XKR6: variants seen among roughly 807,000 people sequenced by gnomAD.
The protein encoded by XKR6 is XK-related protein 6.
Under a neutral mutation model 56.7 loss-of-function variants are expected in XKR6, and 22 were observed. The ratio of observed to expected loss-of-function variants is 0.39; its 90% CI spans 0.28 to 0.55. The LOEUF (loss-of-function observed/expected upper bound fraction) is 0.55, where lower values mean the gene tolerates loss of function less well. Among genes scored for constraint, XKR6 ranks in the 20% least tolerant of loss-of-function variants. The probability of loss-of-function intolerance (pLI) is 0.66; values close to 1 mark genes in which losing one functional copy is unlikely to be tolerated. For missense variants in XKR6, 852 were observed against 889.0 expected (o/e 0.96, Z 0.53); for synonymous variants, 524 against 387.8 (o/e 1.35, Z -4.13).
chr8:10,942,356 T>C (rs1004235941), intron 1 of XKR6, among the ~76,000 whole-genome samples: 2 of 152,212 alleles, frequency 1.3e-5, no homozygotes, highest in African/African-American at 4.8e-5. Flanking sequence ...CTTCCATCTA[T>C]ACAGATACGT....
rs549650617 is a variant in XKR6, at chr8:11,065,705, A to C, written c.764+134871T>G. Among the ~76,000 whole-genome samples, 8 of 152,138 alleles carry C rather than the reference A, an allele frequency of 5.3e-5. No homozygotes were observed. In the South Asian group the frequency reaches 1.7e-3, roughly 32 times the overall value. ...CCACGTGAACTCCATCTTTCCCTCC[A>C]AGCCGGGCTAAAGTCCGGTCTCTTC... is the stretch of plus-strand genomic sequence containing the variant. On this transcript the variant is annotated intron_variant, in intron 1 of 2. Transcript: ENST00000416569.
intron 1 of XKR6, among the ~76,000 whole-genome samples, chr8:11,192,829 G>A (rs1281127171): frequency 6.6e-6 from 1 of 152,134 alleles, no homozygotes; most frequent in Non-Finnish European, 1.5e-5. Flanking sequence ...AGGAGTCTCT[G>A]CCACACTTGA....
At chr8:10,956,339 G>C (rs1425717405) in intron 1 of XKR6, among the ~76,000 whole-genome samples, 1 of 152,196 alleles carries the variant, frequency 6.6e-6, no homozygotes, top group East Asian at 1.9e-4. Flanking sequence ...GATGTGGTGG[G>C]GGTGGACACT....
intron 1 of XKR6, among the ~76,000 whole-genome samples, chr8:11,085,333 G>T (rs1385395666): frequency 6.6e-6 from 1 of 152,184 alleles, no homozygotes. Context: ...TGCTCTGGTT[G>T]CCACATGCCA....
intron 1 of XKR6, among the ~76,000 whole-genome samples, chr8:11,145,534 T>C (rs1440415420): frequency 6.6e-6 from 1 of 152,146 alleles, no homozygotes; most frequent in Admixed American, 6.5e-5. Flanking sequence ...TTGCAGGATA[T>C]GCAAAGATAA....
At chr8:10,908,752 T>C (rs1382778634) in intron 2 of XKR6, among the ~76,000 whole-genome samples, 2 of 152,168 alleles carry the variant, frequency 1.3e-5, no homozygotes, top group Admixed American at 6.5e-5. Context: ...TACAGCATTG[T>C]GTTAAGAGGT....
intron 1 of XKR6, among the ~76,000 whole-genome samples, chr8:10,965,565 G>A (rs946941327): frequency 1.3e-5 from 2 of 152,190 alleles, no homozygotes; most frequent in Non-Finnish European, 2.9e-5. Context: ...GCACGCAGGG[G>A]GCCTGTGGGA....
chr8:11,117,644 G>A (rs1799245559), intron 1 of XKR6, among the ~76,000 whole-genome samples: 1 of 151,936 alleles, frequency 6.6e-6, no homozygotes, highest in African/African-American at 2.4e-5. Flanking sequence ...ATTTTTAAAA[G>A]TACATTTTAA....
intron 1 of XKR6, among the ~76,000 whole-genome samples, chr8:11,008,419 T>C (rs1798422779): frequency 2.2e-5 from 1 of 46,488 alleles, no homozygotes; most frequent in African/African-American, 4.6e-4. Flanking sequence ...CTCCCCAGGC[T>C]TTTTTTTTTT....
intron 1 of XKR6, among the ~76,000 whole-genome samples, chr8:11,074,198 G>A (rs142300838): frequency 1.1e-3 from 165 of 152,334 alleles, no homozygotes; most frequent in Middle Eastern, 6.8e-3. Context: ...GGGCTGCTCT[G>A]TCTGCTCCAG....
In XKR6 at chr8:11,005,179, G is replaced by A. The variant is rs1023708181; in HGVS notation, c.765-80349C>T. On this transcript the variant is annotated intron_variant, in intron 1 of 2. Transcript: ENST00000416569. ...CCAGCATACATACGTGGAACAAAGG[G>A]ATGATTCACATCCCAAGCAGAATGA... 3.8e-4 allele frequency among the ~76,000 whole-genome samples: 57 copies of A among 151,772 alleles called. 1 individual carries two copies. The highest frequency in any genetic ancestry group is 1.3e-3 in the African/African-American group (53 of 41,226).
In XKR6 at chr8:11,068,412, G is replaced by C. The variant is rs149336493; in HGVS notation, c.764+132164C>G. On this transcript the variant is annotated intron_variant, in intron 1 of 2. Coordinates refer to ENST00000416569, the MANE Select transcript of XKR6 (RefSeq NM_173683.4). ...GGACTGTCCTGCCCAAATGCCATTA[G>C]TGTCCTGACACAGATGTTTGGGACC... 3.2e-3 allele frequency among the ~76,000 whole-genome samples: 486 copies of C among 152,310 alleles called. 2 individuals carry two copies. Among genetic ancestry groups the C allele is most frequent in the African/African-American group, 0.011 (457 of 41,550 alleles).
intron 2 of XKR6, among the ~76,000 whole-genome samples, chr8:10,900,544 C>A (rs1800006505): frequency 6.6e-6 from 1 of 152,248 alleles, no homozygotes; most frequent in Non-Finnish European, 1.5e-5. Context: ...ATAGTAATAA[C>A]AACCATGGAG....
intron 1 of XKR6, among the ~76,000 whole-genome samples, chr8:11,071,541 TATGAGCCCCGAGTCC>T (rs1488219411): frequency 0.029 from 2,095 of 71,972 alleles, 63 homozygotes; most frequent in African/African-American, 0.095. Context: ...GCCCCGAGTC[TATGAGCCCCGAGTCC>T]ATGAGCCCCG....
chr8:11,184,918 C>CGT (rs1803189520), intron 1 of XKR6, among the ~76,000 whole-genome samples: 2 of 152,288 alleles, frequency 1.3e-5, no homozygotes, highest in South Asian at 4.1e-4. Context: ...TTTTAGTATA[C>CGT]AGCACATCCT....
At chr8:10,908,267 T>G (rs1188940804) in intron 2 of XKR6, among the ~76,000 whole-genome samples, 1 of 152,060 alleles carries the variant, frequency 6.6e-6, no homozygotes, top group African/African-American at 2.4e-5. Context: ...ACTGGAACTG[T>G]GTAGGTATTG....
intron 1 of XKR6, among the ~76,000 whole-genome samples, chr8:10,940,916 A>G (rs570850515): frequency 6.6e-6 from 1 of 152,258 alleles, no homozygotes; most frequent in East Asian, 1.9e-4. Flanking sequence ...GCTCCTTGCC[A>G]TCAGCTCCAG....
At chr8:11,087,158 C>G (rs899370129) in intron 1 of XKR6, among the ~76,000 whole-genome samples, 3 of 152,200 alleles carry the variant, frequency 2.0e-5, no homozygotes, top group African/African-American at 7.2e-5. Context: ...ACCTCTTTTC[C>G]TCCTCTCCAA....
rs372627344 is a variant in XKR6 at position 11,188,428 on chromosome 8, G to C, written c.764+12148C>G. ...TTGTCTCTAACTTCAGCTTCGTTTT[G>C]ACAACTTTTGTTTCATCTGCAAACT... On this transcript the variant is annotated intron_variant, in intron 1 of 2. Coordinates refer to ENST00000416569, the MANE Select transcript of XKR6 (RefSeq NM_173683.4). Among the ~76,000 whole-genome samples, 47 of 152,156 alleles carry C rather than the reference G, an allele frequency of 3.1e-4. 1 individual carries two copies. The highest frequency in any genetic ancestry group is 1.7e-3 in the East Asian group (9 of 5,178).
Sources: allele counts gnomAD v4.1 joint callset (sites outside exome capture counted in the v4.1 genomes callset), GRCh38; gene constraint gnomAD v4.1.1; transcripts MANE v1.5; gene names NCBI Gene and HGNC (gene_info 2026-07-23, HGNC 2026-07-21).